Variants in CDH8 observed in about 807,000 individuals in gnomAD.
CDH8 encodes the protein cadherin-8.
A neutral mutation model predicts 68.1 loss-of-function variants in CDH8; 17 were observed. The ratio of observed to expected loss-of-function variants is 0.25; its 90% confidence interval spans 0.17 to 0.37. The LOEUF is 0.37. CDH8 is among the 10% of genes least tolerant of loss of function. The pLI, the probability that CDH8 is intolerant of heterozygous loss-of-function variation, is 1.00. For synonymous variants in CDH8, 372 were observed against 365.1 expected, an observed-to-expected ratio of 1.02 and a Z score of -0.21; for missense variants, 763 against 999.3, an observed-to-expected ratio of 0.76 and a Z score of 3.19.
At chr16:61,919,355 T>C (rs1208222916) in intron 2 of CDH8, among the ~76,000 whole-genome samples, 1 of 147,808 alleles carries the variant, frequency 6.8e-6, no homozygotes, top group Non-Finnish European at 1.5e-5. Flanking sequence ...CTTCAGACGA[T>C]CAAATTACTC....
chr16:61,660,179 G>C (rs1201060009), intron 10 of CDH8, among the ~76,000 whole-genome samples: 1 of 152,048 alleles, frequency 6.6e-6, no homozygotes, highest in East Asian at 1.9e-4. Context: ...AGCCTTCAGA[G>C]GACAGTTCCC....
chr16:61,907,675 T>C (rs1339362990), intron 2 of CDH8, among the ~76,000 whole-genome samples: 1 of 148,712 alleles, frequency 6.7e-6, no homozygotes, highest in South Asian at 2.1e-4. Flanking sequence ...TGAGACCCTG[T>C]TGCAAAAAAA....
intron 9 of CDH8, among the ~76,000 whole-genome samples, chr16:61,721,339 G>A (rs1032752710): frequency 6.6e-6 from 1 of 150,866 alleles, no homozygotes; most frequent in Non-Finnish European, 1.5e-5. Context: ...AATCAATCCT[G>A]TCTCCCTCTT....
chr16:61,760,954 A>C (rs543324412), intron 8 of CDH8, among the ~76,000 whole-genome samples: 1 of 152,286 alleles, frequency 6.6e-6, no homozygotes, highest in East Asian at 1.9e-4. Context: ...ATTTGAAGTA[A>C]TTGTGTTTTC....
At chr16:61,794,060 T>C (rs1002547748) in intron 7 of CDH8, among the ~76,000 whole-genome samples, 4 of 152,038 alleles carry the variant, frequency 2.6e-5, no homozygotes, top group African/African-American at 9.7e-5. Flanking sequence ...GTAAACATGA[T>C]TTATTGAATA....
At chr16:61,763,128 A>G (rs1286871996) in intron 8 of CDH8, among the ~76,000 whole-genome samples, 1 of 152,134 alleles carries the variant, frequency 6.6e-6, no homozygotes. Context: ...AACAACAGGA[A>G]AGAGTCTTCT....
intron 3 of CDH8, among the ~76,000 whole-genome samples, chr16:61,891,611 T>A (rs947716725): frequency 6.6e-5 from 10 of 152,170 alleles, no homozygotes; most frequent in South Asian, 2.1e-4. Context: ...ACTGCCTACA[T>A]ATCTCTAATA....
rs116099422 is a variant in CDH8, at chr16:61,683,257, A to G, written c.1655-27536T>C. 9.2e-3 allele frequency among the ~76,000 whole-genome samples: 1,400 copies of G among 152,122 alleles called. 24 individuals are homozygous for G. Among genetic ancestry groups the G allele is most frequent in the African/African-American group, 0.032 (1,311 of 41,540 alleles). On this transcript the variant is annotated intron_variant, in intron 10 of 11. Coordinates refer to ENST00000577390, the MANE Select transcript of CDH8 (RefSeq NM_001796.5). ...TACCTTAACTGAAAAATAAAATGATAGGATACCCCCCATAGGACTATTAGA... is the reference window on the plus strand; with the variant it reads ...TACCTTAACTGAAAAATAAAATGATGGGATACCCCCCATAGGACTATTAGA...
chr16:61,981,687 C>T (rs561414727), intron 2 of CDH8, among the ~76,000 whole-genome samples: 5 of 149,704 alleles, frequency 3.3e-5, no homozygotes, highest in South Asian at 2.1e-4. Context: ...TGTGTGCGCG[C>T]GCGCGCGTGC....
intron 2 of CDH8, among the ~76,000 whole-genome samples, chr16:62,017,778 TC>T (rs1325559411): frequency 2.6e-5 from 4 of 152,134 alleles, no homozygotes; most frequent in African/African-American, 9.7e-5. Context: ...CTCTCAGTCA[TC>T]TTACTCTCTC....
intron 2 of CDH8, among the ~76,000 whole-genome samples, chr16:61,997,831 C>T (rs1174744516): frequency 1.3e-5 from 2 of 152,078 alleles, no homozygotes; most frequent in Non-Finnish European, 2.9e-5. Context: ...TAAAAATGTT[C>T]CACAAAATAA....
intron 2 of CDH8, among the ~76,000 whole-genome samples, chr16:61,984,603 G>A (rs561011419): frequency 3.6e-4 from 55 of 151,570 alleles, no homozygotes; most frequent in African/African-American, 1.2e-3. Flanking sequence ...AATAAACATC[G>A]TTTTTCAACT....
At chr16:61,964,977 T>C (rs751976416) in intron 2 of CDH8, among the ~76,000 whole-genome samples, 1 of 152,156 alleles carries the variant, frequency 6.6e-6, no homozygotes, top group Non-Finnish European at 1.5e-5. Flanking sequence ...AGCCTTTGAG[T>C]TCCTCTTATA....
rs1456860221 is a variant in CDH8, at chr16:61,664,816, A to G, written c.1655-9095T>C. ...GTGAAATTGGATATATTAGTCCTAT[A>G]TTCAGAGAGGGGCACACAGATTGAA... is the stretch of plus-strand genomic sequence containing the variant. On this transcript the variant is annotated intron_variant, in intron 10 of 11. Coordinates refer to ENST00000577390, the MANE Select transcript of CDH8 (RefSeq NM_001796.5). Among the ~76,000 whole-genome samples, 3 of 152,042 alleles carry G rather than the reference A, an allele frequency of 2.0e-5. 1 individual carries two copies. The highest frequency in any genetic ancestry group is 2.0e-4 in the Admixed American group (3 of 15,220).
intron 2 of CDH8, among the ~76,000 whole-genome samples, chr16:61,975,144 C>G (rs569657715): frequency 6.6e-6 from 1 of 151,992 alleles, no homozygotes; most frequent in South Asian, 2.1e-4. Context: ...TCTCAAGAAG[C>G]CATAAATCTC....
chr16:61,846,080 A>T (rs1486463156), intron 4 of CDH8, among the ~76,000 whole-genome samples: 5 of 152,140 alleles, frequency 3.3e-5, no homozygotes, highest in Admixed American at 3.3e-4. Flanking sequence ...CTTGAGACTG[A>T]ATATGCTTTG....
At chr16:61,991,343 T>G (rs745531303) in intron 2 of CDH8, among the ~76,000 whole-genome samples, 1 of 152,190 alleles carries the variant, frequency 6.6e-6, no homozygotes, top group Non-Finnish European at 1.5e-5. Flanking sequence ...TGTGAACTTC[T>G]GCTCTCATTT....
chr16:61,767,703 T>C (rs1378891802), intron 8 of CDH8, among the ~76,000 whole-genome samples: 1 of 151,976 alleles, frequency 6.6e-6, no homozygotes, highest in Non-Finnish European at 1.5e-5. Flanking sequence ...ACAGAAATTT[T>C]AGTCTATCAG....
chr16:61,954,020 G>C (rs919437829), intron 2 of CDH8, among the ~76,000 whole-genome samples: 31 of 150,726 alleles, frequency 2.1e-4, no homozygotes, highest in African/African-American at 7.4e-4. Context: ...CTGCTTCCAA[G>C]AGATTACATT....
Sources: gnomAD v4.1 joint callset for allele counts (sites outside exome capture counted in the v4.1 genomes callset) on GRCh38, gnomAD v4.1.1 for gene constraint, MANE v1.5 for transcripts, NCBI Gene and HGNC (gene_info 2026-07-23, HGNC 2026-07-21) for gene names.